The following LPAR1 variants were observed in gnomAD, a reference collection of about 807,000 sequenced individuals.
The protein encoded by LPAR1 is LPA receptor 1.
LPAR1 carries 5 observed loss-of-function variants against 23.8 expected under a neutral mutation model. The observed-to-expected ratio is 0.21, with a 90% CI of 0.11 to 0.44. LPAR1 has a LOEUF of 0.44. LPAR1 is among the 20% of genes least tolerant of loss of function. LPAR1 has a pLI of 0.99. For synonymous variants in LPAR1, 160 were observed against 164.7 expected (o/e 0.97, Z 0.22); for missense variants, 311 against 482.8 (o/e 0.64, Z 3.33).
At chr9:110,931,639 G>A (rs1421557713) in intron 5 of LPAR1, among the ~76,000 whole-genome samples, 1 of 152,114 alleles carries the variant, frequency 6.6e-6, no homozygotes, top group African/African-American at 2.4e-5. Context: ...TTCTTCTAGG[G>A]TTTTTATGGT....
At chr9:110,985,911 G>T (rs1045609354) in intron 2 of LPAR1, among the ~76,000 whole-genome samples, 2 of 152,090 alleles carry the variant, frequency 1.3e-5, no homozygotes, top group African/African-American at 2.4e-5. Flanking sequence ...AGATTTCTGA[G>T]TTGGAGAAAA....
At chr9:110,927,952 C>T (rs533603169) in intron 5 of LPAR1, among the ~76,000 whole-genome samples, 11 of 151,940 alleles carry the variant, frequency 7.2e-5, no homozygotes, top group Non-Finnish European at 1.5e-4. Flanking sequence ...AATGTCTTCT[C>T]AATAAAAATC....
chr9:110,941,981 C>T lies in LPAR1; in HGVS notation c.233G>A (p.Arg78His), dbSNP rs1337959313. Reference sequence around the variant, plus strand: ...GTAATAAATAGGAAAATGGAAGCGGCGGTTGACATAGATTGCCACCATGAC... The same window carrying T: ...GTAATAAATAGGAAAATGGAAGCGGTGGTTGACATAGATTGCCACCATGAC... ...LLVMVAIYVN[R>H]RFHFPIYYLM... Residue 78 changes from arginine (R) to histidine (H), a missense_variant, in exon 5 of 6, where the codon CGC (arginine) becomes CAC (histidine). Arg to His is a conservative substitution (Grantham distance 29, BLOSUM62 0). This residue lies in a region of LPAR1 where 250 missense variants were observed against 427.2 expected (regional missense o/e 0.59). Transcript: ENST00000683809. The surrounding 1 kb of genome is among the most constrained non-coding windows in gnomAD (Gnocchi z 6.1). 8 of 1,613,980 alleles carry T rather than the reference C, an allele frequency of 5.0e-6. No homozygotes were observed. Among genetic ancestry groups the T allele is most frequent in the Admixed American group, 3.3e-5 (2 of 60,002 alleles).
intron 4 of LPAR1, among the ~76,000 whole-genome samples, chr9:110,961,439 G>A (rs1304325702): frequency 6.6e-6 from 1 of 151,642 alleles, no homozygotes; most frequent in Non-Finnish European, 1.5e-5. Context: ...TGGCCAACAT[G>A]GTGAAATCCC....
At chr9:110,981,577 T>A (rs1432830668) in intron 2 of LPAR1, among the ~76,000 whole-genome samples, 1 of 120,402 alleles carries the variant, frequency 8.3e-6, no homozygotes, top group Non-Finnish European at 1.9e-5. Flanking sequence ...AGTTTGATTT[T>A]AAAATTTTTT....
chr9:111,023,733 A>G (rs1474187305), intron 2 of LPAR1, among the ~76,000 whole-genome samples: 1 of 152,214 alleles, frequency 6.6e-6, no homozygotes, highest in African/African-American at 2.4e-5. Flanking sequence ...ATGACTAGAT[A>G]AGTGTTTTCA....
intron 2 of LPAR1, among the ~76,000 whole-genome samples, chr9:110,981,423 A>G (rs1213911677): frequency 6.6e-6 from 1 of 152,056 alleles, no homozygotes; most frequent in Non-Finnish European, 1.5e-5. Flanking sequence ...GACTATAAGA[A>G]TTGAATTGAT....
rs141334578 is a variant in LPAR1 at position 111,036,129 on chromosome 9, A to C, written c.-189T>G. 1 of 152,202 alleles carries C rather than the reference A, an allele frequency of 6.6e-6. No individual in the cohort carries two copies. Among genetic ancestry groups the C allele is most frequent in the Non-Finnish European group, 1.5e-5 (1 of 68,036 alleles). The allele number at this position is 152,202 out of a possible 1,614,324, so 9.4% of individuals were successfully genotyped here. A position where few individuals can be genotyped will look rare whatever the true frequency, so the allele number is the denominator to read the frequency against. On this transcript the variant is annotated 5_prime_UTR_variant, in exon 2 of 6. The change abolishes the stop of an existing upstream ORF in the 5' untranslated region. Transcript: ENST00000683809. ...TGCCACTTACATTCTTACCTCTGTTAGTTCTTTCCCATCACTCACAGGGAG... is the reference window on the plus strand; with the variant it reads ...TGCCACTTACATTCTTACCTCTGTTCGTTCTTTCCCATCACTCACAGGGAG...
rs2095095004 is a variant in LPAR1 at position 110,941,400 on chromosome 9, T to C, written c.793+21A>G. On this transcript the variant is annotated intron_variant, in intron 5 of 5. Coordinates refer to ENST00000683809, the MANE Select transcript of LPAR1 (RefSeq NM_001351411.2). The surrounding 1 kb of genome is among the most constrained non-coding windows in gnomAD (Gnocchi z 6.1). ...GTCACTGAGAATCTATAAAGTAAGTTACAGTCAAGACAGAACTTACCAAGC... is the reference window on the plus strand; with the variant it reads ...GTCACTGAGAATCTATAAAGTAAGTCACAGTCAAGACAGAACTTACCAAGC... The C allele has an allele frequency of 6.3e-7, 1 of 1,579,158 alleles. No individual in the cohort carries two copies.
Position 110,989,104 on chromosome 9 carries a change from C to T in LPAR1, c.-181-15546G>A, listed in dbSNP as rs116115971. On this transcript the variant is annotated intron_variant, in intron 2 of 5. Coordinates refer to ENST00000683809, the MANE Select transcript of LPAR1 (RefSeq NM_001351411.2). Reference sequence around the variant, plus strand: ...AAATCTATGAGAAAGAAAGTAGATTCGTGTTTTTCAGGAGTTTGGAAGAGG... The same window carrying T: ...AAATCTATGAGAAAGAAAGTAGATTTGTGTTTTTCAGGAGTTTGGAAGAGG... 6.0e-3 allele frequency among the ~76,000 whole-genome samples: 916 copies of T among 152,186 alleles called. 13 individuals carry two copies. Among genetic ancestry groups the T allele is most frequent in the African/African-American group, 0.021 (875 of 41,532 alleles).
chr9:110,945,275 T>A (rs905504795), intron 4 of LPAR1: 5 of 152,152 alleles, frequency 3.3e-5, no homozygotes, highest in African/African-American at 1.2e-4. Flanking sequence ...TTAACTGCAA[T>A]TGGACTATAG....
At chr9:111,030,237 C>G (rs2097772307) in intron 2 of LPAR1, among the ~76,000 whole-genome samples, 1 of 152,046 alleles carries the variant, frequency 6.6e-6, no homozygotes, top group Non-Finnish European at 1.5e-5. Flanking sequence ...TGTGCCTAGT[C>G]AGAAAGTAAA....
chr9:110,903,658 C>T (rs778927643), intron 5 of LPAR1, among the ~76,000 whole-genome samples: 4 of 151,810 alleles, frequency 2.6e-5, no homozygotes, highest in Non-Finnish European at 5.9e-5. Context: ...ACTTGTAGCA[C>T]AATAACAAAA....
rs537725287 is a variant in LPAR1, at chr9:111,027,668, T to C, written c.-182+8454A>G. Among the ~76,000 whole-genome samples the C allele has an allele frequency of 9.1e-4, 138 of 151,766 alleles. 2 individuals are homozygous for C. The Middle Eastern group carries it at 0.024, about 26-fold the overall frequency. On this transcript the variant is annotated intron_variant, in intron 2 of 5. Coordinates refer to ENST00000683809, the MANE Select transcript of LPAR1 (RefSeq NM_001351411.2). ...GGTCACACAATTTTAAATGTAGTGATAGAAAGCCTTAACTCAAAGTTGACC... is the reference window on the plus strand; with the variant it reads ...GGTCACACAATTTTAAATGTAGTGACAGAAAGCCTTAACTCAAAGTTGACC...
At chr9:110,884,938 C>G (rs1476959145) in intron 5 of LPAR1, among the ~76,000 whole-genome samples, 1 of 151,960 alleles carries the variant, frequency 6.6e-6, no homozygotes, top group Admixed American at 6.6e-5. Context: ...TATTTGGTAT[C>G]CTGGGTGATA....
chr9:111,028,549 A>G (rs1294957131), intron 2 of LPAR1, among the ~76,000 whole-genome samples: 1 of 152,188 alleles, frequency 6.6e-6, no homozygotes, highest in Non-Finnish European at 1.5e-5. Context: ...TCTTTTTTCT[A>G]TCTTGCATGC....
chr9:111,034,645 C>T (rs1442542681), intron 2 of LPAR1, among the ~76,000 whole-genome samples: 1 of 152,184 alleles, frequency 6.6e-6, no homozygotes, highest in Admixed American at 6.5e-5. Flanking sequence ...TGTCTTAAAA[C>T]GTAGCAGCCA....
At chr9:110,919,514 G>A (rs1024817262) in intron 5 of LPAR1, among the ~76,000 whole-genome samples, 1 of 152,130 alleles carries the variant, frequency 6.6e-6, no homozygotes, top group Non-Finnish European at 1.5e-5. Flanking sequence ...CTAAGTCTGT[G>A]ACAATTTGCG....
At chr9:111,017,264 A>G (rs2097468607) in intron 2 of LPAR1, among the ~76,000 whole-genome samples, 1 of 152,188 alleles carries the variant, frequency 6.6e-6, no homozygotes, top group Non-Finnish European at 1.5e-5. Context: ...TGCTTATTAA[A>G]TTTCACTATA....
Sources: gnomAD v4.1 joint callset for allele counts (sites outside exome capture counted in the v4.1 genomes callset) on GRCh38, gnomAD v4.1.1 for gene constraint, gnomAD v4.1.1 regional missense constraint, Gnocchi (gnomAD v3.1) non-coding constraint, MANE v1.5 for transcripts, NCBI Gene and HGNC (gene_info 2026-07-23, HGNC 2026-07-21) for gene names.